The following CASZ1 variants were observed in gnomAD, a reference collection of about 807,000 sequenced individuals.
CASZ1 encodes zinc finger protein castor homolog 1.
Under a neutral mutation model 135.2 loss-of-function variants are expected in CASZ1, and 28 were observed. The observed-to-expected ratio is 0.21, with a 90% CI of 0.15 to 0.28. The LOEUF (loss-of-function observed/expected upper bound fraction) is 0.28, where lower values mean the gene tolerates loss of function less well. Ranked by LOEUF, CASZ1 falls within the 10% of genes least tolerant of loss-of-function variation. CASZ1 has a pLI of 1.00. For synonymous variants in CASZ1, 1,068 were observed against 1,073.4 expected (o/e 0.99, Z 0.10); for missense variants, 2,161 against 2,453.3 (o/e 0.88, Z 2.52).
intron 1 of CASZ1, among the ~76,000 whole-genome samples, chr1:10,785,561 A>G (rs1640844597): frequency 6.6e-6 from 1 of 151,988 alleles, no homozygotes; most frequent in Non-Finnish European, 1.5e-5. Context: ...TCCTTAGGTC[A>G]CTGCCTCCAC....
intron 4 of CASZ1, among the ~76,000 whole-genome samples, chr1:10,684,159 G>A (rs1331583912): frequency 6.6e-6 from 1 of 151,610 alleles, no homozygotes. Flanking sequence ...GAAGGAAGGC[G>A]CTGATAAACT....
chr1:10,763,564 C>T (rs577097391), intron 1 of CASZ1, among the ~76,000 whole-genome samples: 9 of 152,280 alleles, frequency 5.9e-5, no homozygotes, highest in South Asian at 2.1e-4. Context: ...AAATCTACCC[C>T]GGGTGGCCCC....
chr1:10,749,622 G>A (rs540562878), intron 2 of CASZ1, among the ~76,000 whole-genome samples: 68 of 152,168 alleles, frequency 4.5e-4, no homozygotes, highest in Admixed American at 4.4e-3. Flanking sequence ...AGACAGCCCC[G>A]AATGGACCAG....
chr1:10,670,114 C>T (rs1643356334), intron 4 of CASZ1, among the ~76,000 whole-genome samples: 1 of 152,184 alleles, frequency 6.6e-6, no homozygotes, highest in Non-Finnish European at 1.5e-5. Context: ...CCCTGCCTTC[C>T]CACTGCCAGG....
rs1349600801 is a variant in CASZ1 at position 10,647,438 on chromosome 1, G to C, written c.3497+363C>G. On this transcript the variant is annotated intron_variant, in intron 16 of 20. Coordinates refer to ENST00000377022, the MANE Select transcript of CASZ1 (RefSeq NM_001079843.3). This position sits in a 1 kb window ranked among gnomAD's most constrained non-coding sequence, Gnocchi z 4.9. ...TCAGCCATGGGTGTGAGCCACAGAG[G>C]AGGCCAATACGGAGGCTCGGAGGGA... is the stretch of plus-strand genomic sequence containing the variant. 15 of 1,158,172 alleles carry C rather than the reference G, an allele frequency of 1.3e-5. No individual in the cohort carries two copies. The highest frequency in any genetic ancestry group is 1.6e-5 in the Non-Finnish European group (15 of 932,610). The allele number at this position is 1,158,172 out of a possible 1,614,324, so 71.7% of individuals were successfully genotyped here. A position where few individuals can be genotyped will look rare whatever the true frequency, so the allele number is the denominator to read the frequency against.
intron 2 of CASZ1, among the ~76,000 whole-genome samples, chr1:10,740,960 C>CAAAAAAAAAAAAAAAA (rs374464130): frequency 4.9e-5 from 3 of 61,438 alleles, no homozygotes; most frequent in Admixed American, 2.2e-4. Context: ...CCTGTCTGGA[C>CAAAAAAAAAAAAAAAA]AAAAAAAAAA....
In CASZ1 at chr1:10,767,714, T is replaced by C. The variant is rs2100587258; in HGVS notation, c.-233-6857A>G. Reference sequence around the variant, plus strand: ...CGCAGAAGATAATCGATAGAGCCCGTAATGAAAATCTGAGCCATATTTTAT... The same window carrying C: ...CGCAGAAGATAATCGATAGAGCCCGCAATGAAAATCTGAGCCATATTTTAT... On this transcript the variant is annotated intron_variant, in intron 1 of 20. Transcript: ENST00000377022. The surrounding 1 kb of genome is among the most constrained non-coding windows in gnomAD (Gnocchi z 4.2). 6.6e-6 allele frequency among the ~76,000 whole-genome samples: 1 copy of C among 152,322 alleles called. No homozygotes were observed. The highest frequency in any genetic ancestry group is 1.9e-4 in the East Asian group (1 of 5,190).
chr1:10,717,288 C>T lies in CASZ1; in HGVS notation c.-76-11744G>A, dbSNP rs1232125156. Reference sequence around the variant, plus strand: ...CCCACCCCCAGCCTCTGCAGCTCCCCAGTTCCCCAAACTTCCCACTTGGCT... The same window carrying T: ...CCCACCCCCAGCCTCTGCAGCTCCCTAGTTCCCCAAACTTCCCACTTGGCT... On this transcript the variant is annotated intron_variant, in intron 2 of 20. Transcript: ENST00000377022. The surrounding 1 kb of genome is among the most constrained non-coding windows in gnomAD (Gnocchi z 4.6). 1.3e-5 allele frequency among the ~76,000 whole-genome samples: 2 copies of T among 152,236 alleles called. No homozygotes were observed. Among genetic ancestry groups the T allele is most frequent in the African/African-American group, 4.8e-5 (2 of 41,456 alleles).
At chr1:10,675,873 C>T (rs1474297908) in intron 4 of CASZ1, among the ~76,000 whole-genome samples, 1 of 145,858 alleles carries the variant, frequency 6.9e-6, no homozygotes, top group African/African-American at 2.7e-5. Context: ...GTCCTCTTTC[C>T]CCAAGGTTTG....
rs749013597 is a variant in CASZ1, at chr1:10,776,358, C to T, written c.-233-15501G>A. On this transcript the variant is annotated intron_variant, in intron 1 of 20. Coordinates refer to ENST00000377022, the MANE Select transcript of CASZ1 (RefSeq NM_001079843.3). The surrounding 1 kb of genome is among the most constrained non-coding windows in gnomAD (Gnocchi z 4.1). Reference sequence around the variant, plus strand: ...AGGCTCTGCCCTTCCCAAGCCCCCACAGCTGGAAGCCAGGCCTCCTGCCCA... The same window carrying T: ...AGGCTCTGCCCTTCCCAAGCCCCCATAGCTGGAAGCCAGGCCTCCTGCCCA... 2.0e-5 allele frequency among the ~76,000 whole-genome samples: 3 copies of T among 152,266 alleles called. No homozygotes were observed. Among genetic ancestry groups the T allele is most frequent in the Non-Finnish European group, 2.9e-5 (2 of 68,050 alleles).
At chr1:10,795,156 C>T (rs1641040765) in intron 1 of CASZ1, among the ~76,000 whole-genome samples, 1 of 150,912 alleles carries the variant, frequency 6.6e-6, no homozygotes, top group Non-Finnish European at 1.5e-5. Context: ...GCGCACGAAT[C>T]GGCCCCCTGC....
At chr1:10,692,962 T>G (rs897812948) in intron 4 of CASZ1, among the ~76,000 whole-genome samples, 1 of 152,184 alleles carries the variant, frequency 6.6e-6, no homozygotes, top group Admixed American at 6.5e-5. Context: ...ACCTAGCACG[T>G]GAGGGTCCTG....
chr1:10,703,819 C>G (rs1475452053), intron 3 of CASZ1, among the ~76,000 whole-genome samples: 2 of 152,228 alleles, frequency 1.3e-5, no homozygotes, highest in Admixed American at 1.3e-4. Context: ...ACTCTCTCTG[C>G]AAGTATAGAG....
At chr1:10,682,433 C>T (rs1227342643) in intron 4 of CASZ1, among the ~76,000 whole-genome samples, 3 of 152,158 alleles carry the variant, frequency 2.0e-5, no homozygotes, top group Non-Finnish European at 2.9e-5. Context: ...CGGCGGAATC[C>T]GGGAGGCAGG....
At chr1:10,722,961 G>A (rs1046192399) in intron 2 of CASZ1, among the ~76,000 whole-genome samples, 3 of 152,270 alleles carry the variant, frequency 2.0e-5, no homozygotes, top group African/African-American at 4.8e-5. Context: ...CCAGTCCTGC[G>A]GGAAGGAGGT....
At position 10,725,566 on chromosome 1, in the gene CASZ1, T is replaced by G. The variant is rs941449624; in HGVS notation, c.-76-20022A>C. Among the ~76,000 whole-genome samples, 3 of 152,218 alleles carry G rather than the reference T, an allele frequency of 2.0e-5. No individual in the cohort carries two copies. Among genetic ancestry groups the G allele is most frequent in the African/African-American group, 7.2e-5 (3 of 41,448 alleles). On this transcript the variant is annotated intron_variant, in intron 2 of 20. Transcript: ENST00000377022. This position sits in a 1 kb window ranked among gnomAD's most constrained non-coding sequence, Gnocchi z 4.4. ...AAAAGAGTTCAGAATTTTAATGGTG[T>G]TGTAAGTAATTTTTAGGTAATCCAC... is the stretch of plus-strand genomic sequence containing the variant.
chr1:10,779,077 C>T (rs1640712890), intron 1 of CASZ1, among the ~76,000 whole-genome samples: 2 of 152,074 alleles, frequency 1.3e-5, no homozygotes, highest in South Asian at 4.2e-4. Context: ...TTTTTCCTTC[C>T]CACTGGTGAA....
chr1:10,778,991 G>T (rs553220766), intron 1 of CASZ1, among the ~76,000 whole-genome samples: 27 of 152,164 alleles, frequency 1.8e-4, no homozygotes, highest in Non-Finnish European at 4.0e-4. Context: ...CAAACAAAAG[G>T]CCAAGACCAC....
In CASZ1 at chr1:10,680,233, C is replaced by T. The variant is rs963707036; in HGVS notation, c.16+13641G>A. 7.2e-5 allele frequency among the ~76,000 whole-genome samples: 10 copies of T among 138,874 alleles called. No homozygotes were observed. The East Asian group carries it at 1.1e-3, about 16-fold the overall frequency. 91.1% of individuals were successfully genotyped at this position (138,874 alleles called of 152,430 possible). Reference sequence around the variant, plus strand: ...AGCCCCTTCCAGGCAGAAGGCCTTACGATGCTGCCGGAGGGCTCCGGCTGG... The same window carrying T: ...AGCCCCTTCCAGGCAGAAGGCCTTATGATGCTGCCGGAGGGCTCCGGCTGG... On this transcript the variant is annotated intron_variant, in intron 4 of 20. Transcript: ENST00000377022.
Sources: gnomAD v4.1 joint callset for allele counts (sites outside exome capture counted in the v4.1 genomes callset) on GRCh38, gnomAD v4.1.1 for gene constraint, Gnocchi (gnomAD v3.1) non-coding constraint, MANE v1.5 for transcripts, NCBI Gene and HGNC (gene_info 2026-07-23, HGNC 2026-07-21) for gene names.